Variants in KITLG observed in about 807,000 individuals in gnomAD.
The protein encoded by KITLG is KIT ligand, also known as c-Kit ligand.
Under a neutral mutation model 34.1 loss-of-function variants are expected in KITLG, and 13 were observed. That is an observed-to-expected ratio of 0.38 (90% CI 0.25 to 0.61). KITLG has a LOEUF of 0.61. KITLG is among the 20% of genes least tolerant of loss of function. The pLI is 0.60. For missense variants in KITLG, 292 were observed against 318.9 expected, an observed-to-expected ratio of 0.92 and a Z score of 0.64; for synonymous variants, 110 against 104.0, an observed-to-expected ratio of 1.06 and a Z score of -0.35.
rs889644284 is a variant in KITLG at position 88,494,975 on chromosome 12, ATTG to A, written c.*2241_*2243del. ...CCAAAATAATGTTCAGCATTTTTCT[ATTG>A]TTCATGCATTTTATTCAACTTTAGT... On this transcript the variant is annotated 3_prime_UTR_variant, in exon 10 of 10. Transcript: ENST00000644744. 6.6e-6 allele frequency: 1 copy of A among 152,072 alleles called. No homozygotes were observed. The highest frequency in any genetic ancestry group is 1.5e-5 in the Non-Finnish European group (1 of 67,954). The allele number at this position is 152,072 out of a possible 1,614,324, so 9.4% of individuals were successfully genotyped here. A position where few individuals can be genotyped will look rare whatever the true frequency, so the allele number is the denominator to read the frequency against.
chr12:88,562,741 A>G (rs982961847), intron 1 of KITLG, among the ~76,000 whole-genome samples: 2 of 152,198 alleles, frequency 1.3e-5, no homozygotes, highest in African/African-American at 4.8e-5. Flanking sequence ...CTATAAAACC[A>G]TGAGTAGACT....
intron 1 of KITLG, among the ~76,000 whole-genome samples, chr12:88,556,012 G>A (rs993387918): frequency 1.3e-5 from 2 of 151,988 alleles, no homozygotes; most frequent in African/African-American, 4.8e-5. Flanking sequence ...GCATTTGGGG[G>A]ACAGGGGCAT....
intron 1 of KITLG, among the ~76,000 whole-genome samples, chr12:88,578,812 G>A (rs1163014772): frequency 3.3e-5 from 5 of 152,188 alleles, no homozygotes; most frequent in African/African-American, 9.6e-5. Context: ...ACTATAAGAA[G>A]GAATAGGTCT....
At position 88,532,376 on chromosome 12, in the gene KITLG, A is replaced by G. The variant is rs1870129704; in HGVS notation, c.192+65T>C. 2.5e-5 allele frequency: 29 copies of G among 1,148,972 alleles called. No homozygotes were observed. The East Asian group carries it at 6.6e-4, about 26-fold the overall frequency. The allele number at this position is 1,148,972 out of a possible 1,614,324, so 71.2% of individuals were successfully genotyped here. A position where few individuals can be genotyped will look rare whatever the true frequency, so the allele number is the denominator to read the frequency against. On this transcript the variant is annotated intron_variant, in intron 3 of 9. Coordinates refer to ENST00000644744, the MANE Select transcript of KITLG (RefSeq NM_000899.5). The stretch of plus-strand genomic sequence containing the variant: ...TAAATAGCAGCTAGTGTACTATCTC[A>G]ATATGAATGATCCCATTTCTTCTAT...
rs2120800629 is a variant in KITLG at position 88,505,200 on chromosome 12, A to G, written c.818T>C (p.Val273Ala). 6.2e-7 allele frequency: 1 copy of G among 1,609,386 alleles called. No homozygotes were observed. The highest frequency in any genetic ancestry group is 8.5e-7 in the Non-Finnish European group (1 of 1,175,862). ...LQEKEREFQE[V>A] ...CAGTGTTGATACAAGCCACAATTAC[A>G]CTTCTTGAAACTCTCTCTCTTTCTC... is the stretch of plus-strand genomic sequence containing the variant. Residue 273 changes from valine to alanine, a missense_variant, in exon 9 of 10, where the codon GTG becomes GCG. Physicochemically the swap from Val to Ala is moderately conservative, Grantham distance 64 (BLOSUM62 0). Around this residue, in one of 2 missense-constraint regions of KITLG, gnomAD observed 140 missense variants for 111.0 expected, o/e 1.26. Coordinates refer to ENST00000644744, the MANE Select transcript of KITLG (RefSeq NM_000899.5).
intron 3 of KITLG, among the ~76,000 whole-genome samples, chr12:88,522,557 A>G (rs751787324): frequency 6.6e-6 from 1 of 151,116 alleles, no homozygotes; most frequent in Non-Finnish European, 1.5e-5. Context: ...CCTCCTGAGT[A>G]GTTGGGATTA....
chr12:88,515,656 A>G (rs1286286963), intron 5 of KITLG, 39 bp from the exon 6 acceptor site: 9 of 1,453,038 alleles, frequency 6.2e-6, no homozygotes, highest in Non-Finnish European at 8.7e-6. Flanking sequence ...TTATATGGTG[A>G]TTTGTATGAG....
chr12:88,499,406 T>C (rs761838899), intron 9 of KITLG, among the ~76,000 whole-genome samples: 5 of 152,158 alleles, frequency 3.3e-5, no homozygotes, highest in Non-Finnish European at 7.4e-5. Flanking sequence ...TTAGCTCAGA[T>C]ATACCAAAAT....
At chr12:88,515,007 C>A (rs1226299758) in intron 6 of KITLG, among the ~76,000 whole-genome samples, 1 of 151,820 alleles carries the variant, frequency 6.6e-6, no homozygotes, top group South Asian at 2.1e-4. Flanking sequence ...AGCCTATTCT[C>A]ATCAAGCATA....
chr12:88,514,534 A>T (rs1033370819), intron 6 of KITLG, among the ~76,000 whole-genome samples: 1 of 151,720 alleles, frequency 6.6e-6, no homozygotes, highest in Non-Finnish European at 1.5e-5. Context: ...TGTATAACAT[A>T]TACTATCCCC....
At chr12:88,569,953 G>T (rs1227020067) in intron 1 of KITLG, among the ~76,000 whole-genome samples, 1 of 152,014 alleles carries the variant, frequency 6.6e-6, no homozygotes, top group Non-Finnish European at 1.5e-5. Flanking sequence ...AATATAAATG[G>T]CTGGTAGCTT....
At chr12:88,572,120 T>C (rs1179490350) in intron 1 of KITLG, among the ~76,000 whole-genome samples, 3 of 152,160 alleles carry the variant, frequency 2.0e-5, no homozygotes, top group East Asian at 1.9e-4. Context: ...ACTTGACACA[T>C]AGTACAGTAA....
intron 3 of KITLG, among the ~76,000 whole-genome samples, chr12:88,531,872 C>T (rs1870105282): frequency 6.6e-6 from 1 of 151,870 alleles, no homozygotes; most frequent in African/African-American, 2.4e-5. Context: ...AAACATAAAG[C>T]AAATTTTAAA....
At chr12:88,566,424 A>G (rs951034646) in intron 1 of KITLG, among the ~76,000 whole-genome samples, 1 of 152,232 alleles carries the variant, frequency 6.6e-6, no homozygotes, top group African/African-American at 2.4e-5. Flanking sequence ...TAACTTCAAT[A>G]TAATGTGATA....
chr12:88,530,590 G>A (rs578009309), intron 3 of KITLG, among the ~76,000 whole-genome samples: 2 of 152,200 alleles, frequency 1.3e-5, no homozygotes, highest in African/African-American at 4.8e-5. Flanking sequence ...CCAAAGTGCT[G>A]GCTCCTGGTT....
At chr12:88,565,422 C>T (rs1369240432) in intron 1 of KITLG, among the ~76,000 whole-genome samples, 1 of 152,192 alleles carries the variant, frequency 6.6e-6, no homozygotes, top group East Asian at 1.9e-4. Flanking sequence ...ATCAAGAGAT[C>T]GAGACCATCC....
intron 3 of KITLG, among the ~76,000 whole-genome samples, chr12:88,521,329 G>T (rs984784987): frequency 5.3e-5 from 8 of 151,992 alleles, no homozygotes. Flanking sequence ...ATTAAATATC[G>T]TCAATGATTT....
intron 1 of KITLG, among the ~76,000 whole-genome samples, chr12:88,566,718 T>G (rs1009591933): frequency 6.6e-6 from 1 of 152,084 alleles, no homozygotes; most frequent in Non-Finnish European, 1.5e-5. Flanking sequence ...CCTTGTATAG[T>G]GTGCTGAGGG....
chr12:88,535,685 A>T (rs1870289171), intron 2 of KITLG, among the ~76,000 whole-genome samples: 1 of 152,224 alleles, frequency 6.6e-6, no homozygotes, highest in African/African-American at 2.4e-5. Context: ...TTGTGTTAAT[A>T]TTACTTTCTA....
Sources: gnomAD v4.1 joint callset for allele counts (sites outside exome capture counted in the v4.1 genomes callset) on GRCh38, gnomAD v4.1.1 for gene constraint, gnomAD v4.1.1 regional missense constraint, MANE v1.5 for transcripts, NCBI Gene and HGNC (gene_info 2026-07-23, HGNC 2026-07-21) for gene names.